PARD3B: variants seen among roughly 807,000 people sequenced by gnomAD.
PARD3B encodes par-3 family cell polarity regulator beta, also known as partitioning defective 3 homolog B.
PARD3B carries 103 observed loss-of-function variants against 130.2 expected under a neutral mutation model. The ratio of observed to expected loss-of-function variants is 0.79; its 90% CI spans 0.67 to 0.93. The LOEUF (loss-of-function observed/expected upper bound fraction) is 0.93. PARD3B is among the 40% of genes least tolerant of loss of function. PARD3B has a pLI of 0.00. For synonymous variants in PARD3B, 583 were observed against 553.2 expected, an observed-to-expected ratio of 1.05 and a Z score of -0.76; for missense variants, 1,609 against 1,499.2, an observed-to-expected ratio of 1.07 and a Z score of -1.21.
chr2:204,555,114 C>T (rs2030828401), intron 1 of PARD3B, among the ~76,000 whole-genome samples: 1 of 152,308 alleles, frequency 6.6e-6, no homozygotes, highest in South Asian at 2.1e-4. Flanking sequence ...ACATTTCGCA[C>T]ATGTGGTAAG....
chr2:205,112,728 T>C (rs1703729438), intron 5 of PARD3B, among the ~76,000 whole-genome samples: 1 of 152,182 alleles, frequency 6.6e-6, no homozygotes. Context: ...TCCCAGTGCC[T>C]TCTATATTTC....
chr2:204,754,195 G>A (rs574589524), intron 2 of PARD3B, among the ~76,000 whole-genome samples: 3 of 152,258 alleles, frequency 2.0e-5, no homozygotes, highest in South Asian at 4.1e-4. Flanking sequence ...ATTCTACCAG[G>A]GCTCAGCAAA....
Position 205,401,017 on chromosome 2 carries a change from G to T in PARD3B, c.2635G>T (p.Gly879Ter). Residue 879 changes from glycine to a stop codon, truncating the protein, a stop_gained, in exon 19 of 23, where the codon GGA (glycine) becomes TGA (stop). Transcript: ENST00000406610. LOFTEE classifies it high-confidence loss of function. ...TTCTCCTTCACGTTTCACTAGATTT[G>T]GAAAGAAGAAAGAGGATAAGGGTGG... The part of the protein sequence containing the change: ...KKGFGAMLRF[G>*]KKKEDKGGKA... The T allele has an allele frequency of 6.3e-7, 1 of 1,593,082 alleles. No homozygotes were observed. The highest frequency in any genetic ancestry group is 8.6e-7 in the Non-Finnish European group (1 of 1,168,710).
At chr2:204,774,427 T>C (rs1286053619) in intron 2 of PARD3B, among the ~76,000 whole-genome samples, 3 of 152,046 alleles carry the variant, frequency 2.0e-5, no homozygotes, top group African/African-American at 7.2e-5. Context: ...CATTTTCAAA[T>C]AGATGACCAG....
chr2:204,773,537 G>A (rs1407759118), intron 2 of PARD3B, among the ~76,000 whole-genome samples: 1 of 152,092 alleles, frequency 6.6e-6, no homozygotes, highest in African/African-American at 2.4e-5. Context: ...CAACGTTACT[G>A]TAATTTTATG....
At chr2:204,954,684 G>A (rs1690083918) in intron 2 of PARD3B, among the ~76,000 whole-genome samples, 1 of 152,310 alleles carries the variant, frequency 6.6e-6, no homozygotes, top group South Asian at 2.1e-4. Context: ...TAGGCTACCA[G>A]GGTGACAGGC....
At chr2:205,052,407 T>A (rs370461753) in intron 4 of PARD3B, among the ~76,000 whole-genome samples, 7 of 108,472 alleles carry the variant, frequency 6.5e-5, no homozygotes, top group African/African-American at 6.9e-5. Context: ...CATGTGTATT[T>A]TATATATATA....
intron 1 of PARD3B, among the ~76,000 whole-genome samples, chr2:204,672,976 T>A (rs6709298): frequency 3.3e-5 from 5 of 152,192 alleles, no homozygotes; most frequent in Non-Finnish European, 7.3e-5. Context: ...AAAGAAAATA[T>A]ATGTATGTAT....
At chr2:204,550,517 G>A (rs1444311816) in intron 1 of PARD3B, among the ~76,000 whole-genome samples, 1 of 151,798 alleles carries the variant, frequency 6.6e-6, no homozygotes, top group Non-Finnish European at 1.5e-5. Context: ...TGTGTTCTGG[G>A]GTTGGAATGA....
chr2:204,646,195 T>G (rs1462883441), intron 1 of PARD3B, among the ~76,000 whole-genome samples: 1 of 152,122 alleles, frequency 6.6e-6, no homozygotes, highest in East Asian at 1.9e-4. Context: ...ACCACTTCCC[T>G]GGTGAAGAAA....
At chr2:204,546,337 A>T (rs564245651) in intron 1 of PARD3B, among the ~76,000 whole-genome samples, 9 of 151,994 alleles carry the variant, frequency 5.9e-5, no homozygotes, top group African/African-American at 1.9e-4. Context: ...CAGCATTGGA[A>T]TCTCTTGGGA....
chr2:205,604,941 C>G (rs1174213844), intron 22 of PARD3B, among the ~76,000 whole-genome samples: 1 of 152,154 alleles, frequency 6.6e-6, no homozygotes, highest in East Asian at 1.9e-4. Context: ...GTCTGCCTGT[C>G]TTATTTCAGC....
chr2:205,615,505 C>A lies in PARD3B; in HGVS notation c.3310C>A (p.Leu1104Ile). Residue 1104 changes from leucine (L) to isoleucine (I), a missense_variant, in exon 23 of 23, where the codon CTC becomes ATC. Leu to Ile is a conservative substitution (Grantham distance 5). Coordinates refer to ENST00000406610, the MANE Select transcript of PARD3B (RefSeq NM_001302769.2). ...VDYLPAAPRG[L>I]YKERELPYYP... is the part of the protein sequence containing the mutation. The stretch of plus-strand genomic sequence containing the variant: ...CTATCTGCCAGCAGCACCTCGGGGG[C>A]TCTACAAGGAAAGGGAGCTTCCCTA... 6.2e-7 allele frequency: 1 copy of A among 1,613,476 alleles called. No homozygotes were observed. The highest frequency in any genetic ancestry group is 1.1e-5 in the South Asian group (1 of 90,946).
intron 21 of PARD3B, among the ~76,000 whole-genome samples, chr2:205,551,399 T>A (rs2052641624): frequency 6.6e-6 from 1 of 152,080 alleles, no homozygotes; most frequent in East Asian, 1.9e-4. Flanking sequence ...GCCTCTGGTT[T>A]TGGTAGAAAG....
chr2:205,106,477 ATGTATGTGTGTGTGTG>A (rs1374051475), intron 5 of PARD3B, among the ~76,000 whole-genome samples: 4 of 131,878 alleles, frequency 3.0e-5, no homozygotes, highest in African/African-American at 1.1e-4. Context: ...TAGTTAAGAA[ATGTATGTGTGTGTGTG>A]TGTGTGTGTG....
chr2:205,062,257 A>G (rs1479209337), intron 4 of PARD3B, among the ~76,000 whole-genome samples: 1 of 152,092 alleles, frequency 6.6e-6, no homozygotes, highest in African/African-American at 2.4e-5. Context: ...ACGTTCGTTG[A>G]GGTCGTAATG....
intron 20 of PARD3B, among the ~76,000 whole-genome samples, chr2:205,477,005 A>C (rs1259791088): frequency 1.3e-5 from 2 of 152,192 alleles, no homozygotes; most frequent in African/African-American, 4.8e-5. Context: ...TTGTGGGTAG[A>C]TTCCAAATTG....
intron 4 of PARD3B, among the ~76,000 whole-genome samples, chr2:205,072,000 C>T (rs1015288633): frequency 1.6e-4 from 24 of 151,916 alleles, no homozygotes; most frequent in African/African-American, 5.8e-4. Context: ...TTTTTAAAAG[C>T]TATAAATTAT....
chr2:204,550,156 C>A (rs2030340075), intron 1 of PARD3B, among the ~76,000 whole-genome samples: 1 of 152,144 alleles, frequency 6.6e-6, no homozygotes, highest in South Asian at 2.1e-4. Context: ...TGCTCAAGTT[C>A]CTGATATAAA....
Sources: allele counts gnomAD v4.1 joint callset (sites outside exome capture counted in the v4.1 genomes callset), GRCh38; gene constraint gnomAD v4.1.1; transcripts MANE v1.5; gene names NCBI Gene and HGNC (gene_info 2026-07-23, HGNC 2026-07-21).